SLC12A8: variants seen among roughly 807,000 people sequenced by gnomAD.
The protein encoded by SLC12A8 is cation-chloride cotransporter 9.
A neutral mutation model predicts 75.6 loss-of-function variants in SLC12A8; 69 were observed. The observed-to-expected ratio is 0.91, with a 90% CI of 0.75 to 1.11. The LOEUF is 1.11. Among genes scored for constraint, SLC12A8 ranks in the 50% most tolerant of loss-of-function variants. The probability of loss-of-function intolerance (pLI) is 0.00; values close to 1 mark genes in which losing one functional copy is unlikely to be tolerated. For synonymous variants in SLC12A8, 365 were observed against 372.8 expected (o/e 0.98, Z 0.24); for missense variants, 877 against 896.7 (o/e 0.98, Z 0.28).
intron 13 of SLC12A8, among the ~76,000 whole-genome samples, chr3:125,084,386 CCTTT>C: frequency 6.6e-6 from 1 of 150,838 alleles, no homozygotes; most frequent in Non-Finnish European, 1.5e-5. Context: ...CTTTTCTTTG[CCTTT>C]TTTTTTGTCA....
chr3:125,099,944 A>AGG (rs1443183373), intron 10 of SLC12A8, among the ~76,000 whole-genome samples: 1 of 152,226 alleles, frequency 6.6e-6, no homozygotes, highest in Non-Finnish European at 1.5e-5. Context: ...AGAGAGAGAG[A>AGG]GAAATATAAA....
At chr3:125,138,075 A>G (rs1489628338) in intron 5 of SLC12A8, among the ~76,000 whole-genome samples, 3 of 152,206 alleles carry the variant, frequency 2.0e-5, no homozygotes, top group African/African-American at 7.2e-5. Context: ...ATGGACAAAA[A>G]TATGTGTCAA....
intron 5 of SLC12A8, among the ~76,000 whole-genome samples, chr3:125,148,215 G>T (rs991639076): frequency 6.6e-6 from 1 of 152,202 alleles, no homozygotes; most frequent in African/African-American, 2.4e-5. Flanking sequence ...TCGCTATGGG[G>T]CCCAGAGATT....
rs1939335416 is a variant in SLC12A8, at chr3:125,117,262, G to A, written c.912+1507C>T. Among the ~76,000 whole-genome samples, 2 of 152,090 alleles carry A rather than the reference G, an allele frequency of 1.3e-5. 1 individual carries two copies. The highest frequency in any genetic ancestry group is 4.2e-4 in the South Asian group (2 of 4,816). On this transcript the variant is annotated intron_variant, in intron 8 of 13. Transcript: ENST00000469902. ...CTGGCCCTCCATTAAGACCAGCAGGGCTGCTTTGCAAAGCCTCACACCAAG... is the reference window on the plus strand; with the variant it reads ...CTGGCCCTCCATTAAGACCAGCAGGACTGCTTTGCAAAGCCTCACACCAAG...
rs1015804468 is a variant in SLC12A8 at position 125,083,235 on chromosome 3, C to T, written c.*655G>A. ...AATATAAAACATACACTTATTGTGG[C>T]CCTCTGCACAAGCAATCTGGTTGTG... On this transcript the variant is annotated 3_prime_UTR_variant, in exon 14 of 14. Transcript: ENST00000469902. The T allele has an allele frequency of 6.6e-6, 1 of 152,052 alleles. No individual in the cohort carries two copies. The highest frequency in any genetic ancestry group is 6.5e-5 in the Admixed American group (1 of 15,278). 9.4% of individuals were successfully genotyped at this position (152,052 alleles called of 1,614,324 possible).
At chr3:125,117,552 C>A (rs1195217712) in intron 8 of SLC12A8, among the ~76,000 whole-genome samples, 1 of 151,964 alleles carries the variant, frequency 6.6e-6, no homozygotes, top group East Asian at 1.9e-4. Context: ...GCCATGTTCA[C>A]GTCACTGTAC....
intron 7 of SLC12A8, 136 bp from the exon 8 acceptor site, chr3:125,118,992 A>G (rs752618775): frequency 1.2e-5 from 7 of 594,572 alleles, no homozygotes; most frequent in Non-Finnish European, 2.1e-5. Flanking sequence ...AAGCTTCCCC[A>G]GCTGGCTTGG....
intron 5 of SLC12A8, 89 bp downstream of exon 5, chr3:125,177,654 G>A: frequency 1.1e-6 from 1 of 924,072 alleles, no homozygotes; most frequent in Non-Finnish European, 1.6e-6. Flanking sequence ...GGGGGTTAGG[G>A]GGAGATGGGG....
At chr3:125,199,413 GT>G (rs1935076761) in intron 2 of SLC12A8, among the ~76,000 whole-genome samples, 1 of 152,094 alleles carries the variant, frequency 6.6e-6, no homozygotes, top group Non-Finnish European at 1.5e-5. Flanking sequence ...CATTATGAAT[GT>G]ATTTAATACC....
At position 125,146,672 on chromosome 3, in the gene SLC12A8, G is replaced by C. The variant is rs138958315; in HGVS notation, c.623-10890C>G. ...ACAGAGCCACAGGCCCTGCCTACTA[G>C]TTGTGGCCTCCCTCGGAGTGCAGCG... On this transcript the variant is annotated intron_variant, in intron 5 of 13. Coordinates refer to ENST00000469902, the MANE Select transcript of SLC12A8 (RefSeq NM_024628.6). 4.6e-5 allele frequency among the ~76,000 whole-genome samples: 7 copies of C among 152,296 alleles called. No homozygotes were observed. In the East Asian group the frequency reaches 1.4e-3, roughly 29 times the overall value.
At chr3:125,209,966 G>C (rs1171814721) in intron 2 of SLC12A8, among the ~76,000 whole-genome samples, 1 of 152,116 alleles carries the variant, frequency 6.6e-6, no homozygotes, top group Non-Finnish European at 1.5e-5. Flanking sequence ...GGGAGGGAGA[G>C]AGAAAGAAAG....
chr3:125,169,810 C>T (rs1248211820), intron 5 of SLC12A8, among the ~76,000 whole-genome samples: 6 of 152,178 alleles, frequency 3.9e-5, no homozygotes, highest in Non-Finnish European at 8.8e-5. Context: ...ACAACTGCCA[C>T]CCACTTGGGT....
At chr3:125,165,503 C>T (rs536693138) in intron 5 of SLC12A8, among the ~76,000 whole-genome samples, 38 of 152,328 alleles carry the variant, frequency 2.5e-4, no homozygotes, top group Non-Finnish European at 4.6e-4. Flanking sequence ...CTCGGGGACA[C>T]GCCCTGCTGG....
rs769415902 is a variant in SLC12A8, at chr3:125,084,066, G to C, written c.1983-14C>G. The C allele has an allele frequency of 6.2e-7, 1 of 1,607,346 alleles. No homozygotes were observed. The highest frequency in any genetic ancestry group is 1.7e-5 in the Admixed American group (1 of 59,018). On this transcript the variant is annotated splice_polypyrimidine_tract_variant and intron_variant, in intron 13 of 13. Transcript: ENST00000469902. The stretch of plus-strand genomic sequence containing the variant: ...GACCGCAAGCTCCTGCAGTGAGAGA[G>C]ACACAGAGGATGGTGAGAAGGACAG...
chr3:125,095,050 A>G (rs1560049260), intron 10 of SLC12A8, among the ~76,000 whole-genome samples: 2 of 152,144 alleles, frequency 1.3e-5, no homozygotes, highest in Admixed American at 6.5e-5. Flanking sequence ...GAGTATTCCA[A>G]CATTCAGTCT....
chr3:125,168,160 T>A (rs1309058523), intron 5 of SLC12A8, among the ~76,000 whole-genome samples: 1 of 152,234 alleles, frequency 6.6e-6, no homozygotes, highest in Non-Finnish European at 1.5e-5. Context: ...CATGTGCTAA[T>A]CTAAGGTGAG....
At chr3:125,123,261 G>A (rs1297616434) in intron 6 of SLC12A8, among the ~76,000 whole-genome samples, 4 of 151,516 alleles carry the variant, frequency 2.6e-5, no homozygotes. Context: ...TATAATCCCA[G>A]CTACTTGGGA....
intron 6 of SLC12A8, among the ~76,000 whole-genome samples, chr3:125,121,316 G>C (rs1933053669): frequency 6.6e-6 from 1 of 152,226 alleles, no homozygotes; most frequent in African/African-American, 2.4e-5. Flanking sequence ...GCATGGTGAA[G>C]TGGGGATGTT....
chr3:125,199,043 G>A (rs570040155), intron 2 of SLC12A8, among the ~76,000 whole-genome samples: 25 of 152,224 alleles, frequency 1.6e-4, no homozygotes, highest in Middle Eastern at 3.4e-3. Context: ...CTCCCAAAGT[G>A]CTGGGATTAT....
Sources: allele counts gnomAD v4.1 joint callset (sites outside exome capture counted in the v4.1 genomes callset), GRCh38; gene constraint gnomAD v4.1.1; transcripts MANE v1.5; gene names NCBI Gene and HGNC (gene_info 2026-07-23, HGNC 2026-07-21).